The following PACRGL variants were observed in gnomAD, a reference collection of about 807,000 sequenced individuals.
PACRGL encodes PACRG-like protein.
In PACRGL, 38 loss-of-function variants were observed where a neutral mutation model predicts 34.5. The ratio of observed to expected loss-of-function variants is 1.10; its 90% CI spans 0.85 to 1.44. The LOEUF (loss-of-function observed/expected upper bound fraction) is 1.44, where lower values mean the gene tolerates loss of function less well. PACRGL is among the 40% of genes most tolerant of loss of function. The pLI, the probability that PACRGL is intolerant of heterozygous loss-of-function variation, is 0.00. For missense variants in PACRGL, 305 were observed against 281.4 expected, an observed-to-expected ratio of 1.08 and a Z score of -0.60; for synonymous variants, 128 against 100.1, an observed-to-expected ratio of 1.28 and a Z score of -1.66.
chr4:20,712,184 T>G (rs1033714147), intron 5 of PACRGL, among the ~76,000 whole-genome samples: 1 of 151,906 alleles, frequency 6.6e-6, no homozygotes, highest in Non-Finnish European at 1.5e-5. Context: ...CCTTCCTATT[T>G]TATTTTCTCT....
chr4:20,713,585 C>T (rs766955540), intron 7 of PACRGL, 46 bp downstream of exon 7: 101 of 1,434,076 alleles, frequency 7.0e-5, no homozygotes, highest in Non-Finnish European at 9.7e-5. Flanking sequence ...ATGTATCATG[C>T]ACCATCCATA....
chr4:20,746,874 C>A (rs1578498064), intron 8 of PACRGL, among the ~76,000 whole-genome samples: 1 of 152,264 alleles, frequency 6.6e-6, no homozygotes, highest in East Asian at 1.9e-4. Context: ...GATGGTCTCT[C>A]TACTGTACCT....
In PACRGL at chr4:20,700,802, C is replaced by T. The variant is rs1384774570; in HGVS notation, c.-17+15C>T. On this transcript the variant is annotated intron_variant, in intron 1 of 8. Coordinates refer to ENST00000503585, the MANE Select transcript of PACRGL (RefSeq NM_001258345.3). ...AATTGAAACTGGTAAACTCCTCCCT[C>T]GGCCCCTTTAAAAAATCTCTGTTTT... 3 of 152,226 alleles carry T rather than the reference C, an allele frequency of 2.0e-5. No homozygotes were observed. Among genetic ancestry groups the T allele is most frequent in the Non-Finnish European group, 2.9e-5 (2 of 68,138 alleles). The allele number at this position is 152,226 out of a possible 1,614,324, so 9.4% of individuals were successfully genotyped here.
In PACRGL at chr4:20,731,915, T is replaced by C; in HGVS notation, c.*4574T>C. The C allele has an allele frequency of 1.9e-6, 3 of 1,553,050 alleles. No homozygotes were observed. The highest frequency in any genetic ancestry group is 2.6e-6 in the Non-Finnish European group (3 of 1,148,714). On this transcript the variant is annotated 3_prime_UTR_variant, in exon 9 of 9. Coordinates refer to ENST00000503585, the MANE Select transcript of PACRGL (RefSeq NM_001258345.3). ...GGTAAACTTAGGCATATGATCTCTATATTTCGCCCAGTTCATGGTAGCTAG... is the reference window on the plus strand; with the variant it reads ...GGTAAACTTAGGCATATGATCTCTACATTTCGCCCAGTTCATGGTAGCTAG...
chr4:20,723,067 C>CT (rs1380184882), intron 7 of PACRGL, among the ~76,000 whole-genome samples: 2 of 152,150 alleles, frequency 1.3e-5, no homozygotes, highest in African/African-American at 2.4e-5. Context: ...GATGGTGACT[C>CT]TATCAGGATA....
rs1210841552 is a variant in PACRGL at position 20,700,698 on chromosome 4, C to T, written c.-106C>T. On this transcript the variant is annotated 5_prime_UTR_variant, in exon 1 of 9. Transcript: ENST00000503585. The stretch of plus-strand genomic sequence containing the variant: ...CCGCTGGACCCCGTTGCTAAGGACC[C>T]TTGAGATCGTGAGCGCTTGGAGTGT... 2 of 152,168 alleles carry T rather than the reference C, an allele frequency of 1.3e-5. No individual in the cohort carries two copies. The highest frequency in any genetic ancestry group is 4.8e-5 in the African/African-American group (2 of 41,446). 9.4% of individuals were successfully genotyped at this position (152,168 alleles called of 1,614,324 possible).
chr4:20,732,247 CTT>C lies in PACRGL; in HGVS notation c.*4907_*4908del, dbSNP rs1442521832. 2.0e-5 allele frequency among the ~76,000 whole-genome samples: 3 copies of C among 152,158 alleles called. No individual in the cohort carries two copies. Among genetic ancestry groups the C allele is most frequent in the Admixed American group, 1.3e-4 (2 of 15,272 alleles). Reference sequence around the variant, plus strand: ...GAGATAAAAATGATAGGGCCAAATGCTTCTGGCTTTTCCCTTTTCAATATAAT... The same window carrying C: ...GAGATAAAAATGATAGGGCCAAATGCCTGGCTTTTCCCTTTTCAATATAAT... On this transcript the variant is annotated 3_prime_UTR_variant, in exon 9 of 9. Transcript: ENST00000503585.
chr4:20,759,566 C>A, the PACRGL span, among the ~76,000 whole-genome samples: 3 of 152,088 alleles, frequency 2.0e-5, no homozygotes, highest in Admixed American at 2.0e-4. Flanking sequence ...GGGAACTACA[C>A]CCATGTTGGA....
downstream of PACRGL, among the ~76,000 whole-genome samples, chr4:20,733,589 C>A (rs1001178433): frequency 1.1e-4 from 17 of 152,016 alleles, no homozygotes; most frequent in Admixed American, 1.1e-3. Flanking sequence ...AGATAAGTAG[C>A]AAGTAGTTTG....
chr4:20,737,690 T>G (rs1475666386), intron 8 of PACRGL, among the ~76,000 whole-genome samples: 1 of 152,208 alleles, frequency 6.6e-6, no homozygotes, highest in Non-Finnish European at 1.5e-5. Flanking sequence ...GAAGCTCTGA[T>G]ACTAAGCAGT....
intron 8 of PACRGL, among the ~76,000 whole-genome samples, chr4:20,739,627 A>G (rs1333612087): frequency 1.3e-5 from 2 of 152,216 alleles, no homozygotes; most frequent in East Asian, 3.9e-4. Flanking sequence ...ATAAAACCAG[A>G]AAGATGGAGA....
In PACRGL at chr4:20,731,863, T is replaced by C; in HGVS notation, c.*4522T>C. On this transcript the variant is annotated 3_prime_UTR_variant, in exon 9 of 9. Coordinates refer to ENST00000503585, the MANE Select transcript of PACRGL (RefSeq NM_001258345.3). ...TAATTGGTGCTTGTTTTCAGAGTGGTAGGCTTATGCTGCATGTTGTAGAAG... is the reference window on the plus strand; with the variant it reads ...TAATTGGTGCTTGTTTTCAGAGTGGCAGGCTTATGCTGCATGTTGTAGAAG... 7.0e-7 allele frequency: 1 copy of C among 1,424,588 alleles called. No homozygotes were observed. The highest frequency in any genetic ancestry group is 9.2e-7 in the Non-Finnish European group (1 of 1,089,000). 88.2% of individuals were successfully genotyped at this position (1,424,588 alleles called of 1,614,324 possible).
chr4:20,750,233 C>T (rs1438949467), intron 8 of PACRGL, among the ~76,000 whole-genome samples: 1 of 152,132 alleles, frequency 6.6e-6, no homozygotes, highest in Non-Finnish European at 1.5e-5. Context: ...CAAAGTCACA[C>T]AGTGAAGAAG....
At chr4:20,718,129 CTCTG>C (rs752621975) in intron 7 of PACRGL, among the ~76,000 whole-genome samples, 2 of 151,884 alleles carry the variant, frequency 1.3e-5, no homozygotes, top group Non-Finnish European at 2.9e-5. Context: ...TGATTTGGCT[CTCTG>C]TCTGTTATTG....
In PACRGL at chr4:20,730,475, T is replaced by C. The variant is rs909537712; in HGVS notation, c.*3134T>C. 6.6e-6 allele frequency among the ~76,000 whole-genome samples: 1 copy of C among 152,162 alleles called. No individual in the cohort carries two copies. The highest frequency in any genetic ancestry group is 1.5e-5 in the Non-Finnish European group (1 of 68,038). On this transcript the variant is annotated 3_prime_UTR_variant, in exon 9 of 9. Coordinates refer to ENST00000503585, the MANE Select transcript of PACRGL (RefSeq NM_001258345.3). ...GTCAAAGCAAATGAGAATTTTGGCA[T>C]TCTATGTAGATCACAGGCCAAATCA...
At chr4:20,749,835 G>A in intron 8 of PACRGL, 2 of 656,968 alleles carry the variant, frequency 3.0e-6, no homozygotes. Flanking sequence ...AATTAACTCT[G>A]CCTCCTTTAG....
chr4:20,727,397 T>C lies in PACRGL; in HGVS notation c.*56T>C, dbSNP rs1274546956. 1 of 1,365,464 alleles carries C rather than the reference T, an allele frequency of 7.3e-7. No individual in the cohort carries two copies. Among genetic ancestry groups the C allele is most frequent in the Non-Finnish European group, 1.0e-6 (1 of 956,718 alleles). The allele number at this position is 1,365,464 out of a possible 1,614,324, so 84.6% of individuals were successfully genotyped here. Reference sequence around the variant, plus strand: ...ACCTGTTGACGTGTCAAGCACTAACTGTGGGTACTCATTTATTTTATTCTT... The same window carrying C: ...ACCTGTTGACGTGTCAAGCACTAACCGTGGGTACTCATTTATTTTATTCTT... On this transcript the variant is annotated 3_prime_UTR_variant, in exon 9 of 9. Coordinates refer to ENST00000503585, the MANE Select transcript of PACRGL (RefSeq NM_001258345.3).
the PACRGL span, chr4:20,767,040 T>C: frequency 6.6e-6 from 1 of 152,192 alleles, no homozygotes; most frequent in African/African-American, 2.4e-5. Flanking sequence ...ACATCATATT[T>C]GGTCATTTAA....
chr4:20,738,519 T>C lies in PACRGL; in HGVS notation c.*56+11122T>C, dbSNP rs79531908. Among the ~76,000 whole-genome samples the C allele has an allele frequency of 6.6e-3, 1,000 of 152,286 alleles. 8 individuals are homozygous for C. The highest frequency in any genetic ancestry group is 0.013 in the Admixed American group (194 of 15,300). Reference sequence around the variant, plus strand: ...TGTACTGCTTCCAGGGATCACACTTTGAGAATCACTGGCCTACAGCACTCA... The same window carrying C: ...TGTACTGCTTCCAGGGATCACACTTCGAGAATCACTGGCCTACAGCACTCA... On this transcript the variant is annotated intron_variant, in intron 8 of 8. Coordinates refer to the PACRGL transcript ENST00000507634.
Sources: allele counts gnomAD v4.1 joint callset (sites outside exome capture counted in the v4.1 genomes callset), GRCh38; gene constraint gnomAD v4.1.1; transcripts MANE v1.5; gene names NCBI Gene and HGNC (gene_info 2026-07-23, HGNC 2026-07-21).